Variants in VEGFC observed in about 807,000 individuals in gnomAD.
VEGFC encodes vascular endothelial growth factor C, also known as FLT4 ligand DHM.
In VEGFC, 12 loss-of-function variants were observed where a neutral mutation model predicts 46.1. That is an observed-to-expected ratio of 0.26 (90% CI 0.17 to 0.42). VEGFC has a LOEUF of 0.42. Ranked by LOEUF, VEGFC falls within the 10% of genes least tolerant of loss-of-function variation. The probability of loss-of-function intolerance (pLI) is 1.00; values close to 1 mark genes in which losing one functional copy is unlikely to be tolerated. For missense variants in VEGFC, 488 were observed against 529.4 expected (o/e 0.92, Z 0.77); for synonymous variants, 232 against 195.5 (o/e 1.19, Z -1.56).
chr4:176,753,372 G>A (rs1735371343), intron 1 of VEGFC, among the ~76,000 whole-genome samples: 1 of 152,054 alleles, frequency 6.6e-6, no homozygotes, highest in Non-Finnish European at 1.5e-5. Context: ...TCACGCATGA[G>A]TCCATGGCAG....
chr4:176,767,679 C>A (rs1735650876), intron 1 of VEGFC, among the ~76,000 whole-genome samples: 1 of 152,146 alleles, frequency 6.6e-6, no homozygotes. Flanking sequence ...ACTGCCAGGG[C>A]AATGACTACT....
At chr4:176,726,160 C>CT (rs1439378778) in intron 3 of VEGFC, among the ~76,000 whole-genome samples, 5 of 152,074 alleles carry the variant, frequency 3.3e-5, no homozygotes. Flanking sequence ...ATATGTTAGT[C>CT]TATCAAAAAT....
intron 4 of VEGFC, among the ~76,000 whole-genome samples, chr4:176,701,304 T>G (rs538575465): frequency 6.6e-6 from 1 of 152,220 alleles, no homozygotes; most frequent in African/African-American, 2.4e-5. Context: ...TGGTCTAATA[T>G]GATATTAACA....
intron 1 of VEGFC, among the ~76,000 whole-genome samples, chr4:176,752,165 C>T (rs1437977609): frequency 6.6e-6 from 1 of 151,828 alleles, no homozygotes; most frequent in Non-Finnish European, 1.5e-5. Context: ...CTCCAGTATC[C>T]TCAATATTAA....
chr4:176,730,438 C>A (rs1734943857), intron 1 of VEGFC, among the ~76,000 whole-genome samples: 1 of 151,912 alleles, frequency 6.6e-6, no homozygotes, highest in South Asian at 2.1e-4. Flanking sequence ...TAGTAGTTAC[C>A]ATATCTAAGA....
intron 1 of VEGFC, among the ~76,000 whole-genome samples, chr4:176,743,802 C>G (rs755035058): frequency 2.0e-5 from 3 of 151,674 alleles, no homozygotes; most frequent in Non-Finnish European, 4.4e-5. Context: ...ATTCTGCAAG[C>G]TAAATAAAAA....
At chr4:176,750,641 C>T (rs1257442757) in intron 1 of VEGFC, among the ~76,000 whole-genome samples, 1 of 151,712 alleles carries the variant, frequency 6.6e-6, no homozygotes, top group African/African-American at 2.4e-5. Context: ...TAGAAAAGAT[C>T]TAACATAAAT....
intron 4 of VEGFC, among the ~76,000 whole-genome samples, chr4:176,700,130 G>C (rs950546546): frequency 2.0e-5 from 3 of 152,296 alleles, no homozygotes; most frequent in Non-Finnish European, 4.4e-5. Flanking sequence ...TAAAACATGG[G>C]TTTAGGCTGG....
intron 1 of VEGFC, among the ~76,000 whole-genome samples, chr4:176,767,903 C>T (rs2110921718): frequency 6.6e-6 from 1 of 152,170 alleles, no homozygotes; most frequent in East Asian, 1.9e-4. Flanking sequence ...ACGATGGTGG[C>T]TCAGGTCAGA....
intron 4 of VEGFC, 32 bp from the exon 5 acceptor site, chr4:176,687,959 G>C (rs375547944): frequency 7.4e-7 from 1 of 1,342,896 alleles, no homozygotes. Context: ...TTTAGCAATG[G>C]TGTAACTGGT....
chr4:176,721,861 A>T (rs2111009640), intron 3 of VEGFC, among the ~76,000 whole-genome samples: 1 of 152,262 alleles, frequency 6.6e-6, no homozygotes, highest in Non-Finnish European at 1.5e-5. Context: ...AATTGGAGGG[A>T]AAGGTTTGGG....
chr4:176,706,536 G>T (rs1481225584), intron 4 of VEGFC, among the ~76,000 whole-genome samples: 1 of 139,534 alleles, frequency 7.2e-6, no homozygotes, highest in Non-Finnish European at 1.5e-5. Context: ...ATGAGGCAGA[G>T]AATTGCTTGA....
chr4:176,766,099 C>G (rs1735618067), intron 1 of VEGFC, among the ~76,000 whole-genome samples: 1 of 151,856 alleles, frequency 6.6e-6, no homozygotes. Flanking sequence ...GGAAGATATG[C>G]AAGGTCTCTA....
At chr4:176,690,169 T>C (rs1734127486) in intron 4 of VEGFC, among the ~76,000 whole-genome samples, 1 of 152,202 alleles carries the variant, frequency 6.6e-6, no homozygotes, top group South Asian at 2.1e-4. Context: ...AACCTTGGCT[T>C]CTAACAATCT....
chr4:176,704,589 C>T (rs369510364), intron 4 of VEGFC, among the ~76,000 whole-genome samples: 1 of 152,074 alleles, frequency 6.6e-6, no homozygotes, highest in African/African-American at 2.4e-5. Flanking sequence ...ACTGCTGTGG[C>T]CACCATCTTT....
intron 6 of VEGFC, 47 bp downstream of exon 6, chr4:176,687,140 C>T (rs754001162): frequency 1.9e-5 from 30 of 1,559,288 alleles, no homozygotes; most frequent in Non-Finnish European, 2.5e-5. Context: ...TGGTTTAGAG[C>T]ATATTTCTAG....
rs1733983699 is a variant in VEGFC, at chr4:176,683,722, T to C, written c.*204A>G. 1 of 385,774 alleles carries C rather than the reference T, an allele frequency of 2.6e-6. No individual in the cohort carries two copies. Among genetic ancestry groups the C allele is most frequent in the Admixed American group, 4.4e-5 (1 of 22,804 alleles). 23.9% of individuals were successfully genotyped at this position (385,774 alleles called of 1,614,324 possible). On this transcript the variant is annotated 3_prime_UTR_variant, in exon 7 of 7. Transcript: ENST00000618562. ...GAGGAAAATCTTGGCTGTTTGGTCA[T>C]TGGCAGAAAACCAGTCTTTACAAGA...
At chr4:176,745,789 G>A (rs955325467) in intron 1 of VEGFC, among the ~76,000 whole-genome samples, 1 of 152,018 alleles carries the variant, frequency 6.6e-6, no homozygotes, top group African/African-American at 2.4e-5. Flanking sequence ...GTGGTTCAGA[G>A]AACAAGAGAG....
intron 1 of VEGFC, among the ~76,000 whole-genome samples, chr4:176,738,009 C>T (rs1735085271): frequency 6.6e-6 from 1 of 151,834 alleles, no homozygotes; most frequent in South Asian, 2.1e-4. Context: ...AAGTGAAAGA[C>T]CTCTTCAAGG....
Sources: allele counts gnomAD v4.1 joint callset (sites outside exome capture counted in the v4.1 genomes callset), GRCh38; gene constraint gnomAD v4.1.1; transcripts MANE v1.5; gene names NCBI Gene and HGNC (gene_info 2026-07-23, HGNC 2026-07-21).